The following USP39 variants were observed in gnomAD, a reference collection of about 807,000 sequenced individuals.
USP39 encodes the protein ubiquitin carboxyl-terminal hydrolase 39.
In USP39, 38 loss-of-function variants were observed where a neutral mutation model predicts 66.4. That is an observed-to-expected ratio of 0.57 (90% confidence interval 0.44 to 0.75). USP39 has a LOEUF of 0.75. Ranked by LOEUF, USP39 falls within the 30% of genes least tolerant of loss-of-function variation. The pLI is 0.00. For synonymous variants in USP39, 303 were observed against 274.6 expected, an observed-to-expected ratio of 1.10 and a Z score of -1.02; for missense variants, 608 against 714.4, an observed-to-expected ratio of 0.85 and a Z score of 1.70.
intron 9 of USP39, chr2:85,639,657 A>AT: frequency 3.5e-6 from 1 of 283,674 alleles, no homozygotes; most frequent in South Asian, 5.6e-5. Flanking sequence ...CATGTTGGCC[A>AT]GGTTGGTCTC....
chr2:85,647,977 C>T lies in USP39; in HGVS notation c.1611C>T (p.Ile537=), dbSNP rs780137301. ...TACAAGACCTCCAGGTGACTGACAT[C>T]CTTCCCCAGATGATCACACTGTCAG... is the stretch of plus-strand genomic sequence containing the variant. ...YELQDLQVTD[I]LPQMITLSEA... The change falls in exon 12 of 13, where the codon ATC becomes ATT. Residue 537 remains isoleucine, a synonymous_variant. Transcript: ENST00000323701. The T allele has an allele frequency of 6.2e-7, 1 of 1,614,156 alleles. No individual in the cohort carries two copies.
chr2:85,609,163 T>C (rs1673342816), upstream of USP39: 2 of 1,512,826 alleles, frequency 1.3e-6, no homozygotes, highest in African/African-American at 2.8e-5. Context: ...TCCATTTAGC[T>C]CAAGGCTTTT....
chr2:85,620,380 G>GCT (rs761794053), intron 2 of USP39, among the ~76,000 whole-genome samples: 8 of 151,806 alleles, frequency 5.3e-5, no homozygotes, highest in Non-Finnish European at 1.2e-4. Flanking sequence ...TTGGGGGGCT[G>GCT]AAGCAGGAGG....
chr2:85,637,717 T>G (rs1043785930), intron 8 of USP39, among the ~76,000 whole-genome samples: 2 of 152,154 alleles, frequency 1.3e-5, no homozygotes, highest in Admixed American at 1.3e-4. Flanking sequence ...TTTTTGTTTT[T>G]CTTAGTCTCC....
chr2:85,637,489 T>A, intron 8 of USP39, 53 bp downstream of exon 8: 1 of 1,583,212 alleles, frequency 6.3e-7, no homozygotes, highest in Middle Eastern at 1.7e-4. Context: ...TGAGGGGACG[T>A]AGGGGAGATG....
chr2:85,615,365 C>T (rs1420811749), upstream of USP39, among the ~76,000 whole-genome samples: 1 of 152,090 alleles, frequency 6.6e-6, no homozygotes, highest in African/African-American at 2.4e-5. Context: ...GTCAATTATA[C>T]CTCAATGGAA....
intron 5 of USP39, among the ~76,000 whole-genome samples, chr2:85,629,556 G>T (rs1318566663): frequency 6.7e-5 from 10 of 149,766 alleles, no homozygotes; most frequent in Non-Finnish European, 5.9e-5. Context: ...GAGTGCAGTG[G>T]TGCCATCTTG....
intron 1 of USP39, 39 bp downstream of exon 1, chr2:85,616,502 T>G: frequency 7.1e-7 from 1 of 1,411,540 alleles, no homozygotes; most frequent in Non-Finnish European, 9.3e-7. Flanking sequence ...GAGAGCCTGT[T>G]TTTTTCGCGT....
chr2:85,619,378 C>G, intron 2 of USP39, 89 bp downstream of exon 2: 3 of 1,393,192 alleles, frequency 2.2e-6, no homozygotes, highest in South Asian at 1.3e-5. Flanking sequence ...AACACATTGA[C>G]AAACTTTACT....
At chr2:85,613,958 G>C (rs916792722), upstream of USP39, among the ~76,000 whole-genome samples, 1 of 151,320 alleles carries the variant, frequency 6.6e-6, no homozygotes, top group Admixed American at 6.6e-5. Context: ...GAGATGGGGG[G>C]GGTCTCTCTA....
intron 2 of USP39, chr2:85,621,195 C>T (rs2104240753): frequency 4.3e-6 from 1 of 229,988 alleles, no homozygotes; most frequent in East Asian, 8.4e-5. Flanking sequence ...TAACTTGTAG[C>T]TTTCTCTCTA....
In USP39 at chr2:85,616,317, C is replaced by A. The variant is rs1461245958; in HGVS notation, c.122C>A (p.Ala41Glu). 9 of 1,583,500 alleles carry A rather than the reference C, an allele frequency of 5.7e-6. No homozygotes were observed. In the African/African-American group the frequency reaches 9.6e-5, roughly 17 times the overall value. ...GATCGGGAGCGGGAGCCTGAGGCGGCGAGCTCCCGGGGCAGCCCTGTGCGC... is the reference window on the plus strand; with the variant it reads ...GATCGGGAGCGGGAGCCTGAGGCGGAGAGCTCCCGGGGCAGCCCTGTGCGC... Reference protein sequence around the residue: ...ERDREREPEAASSRGSPVRVK... With the variant: ...ERDREREPEAESSRGSPVRVK... The change falls in exon 1 of 13, where the codon GCG becomes GAG. Residue 41 changes from alanine (A) to glutamate (E), a missense_variant. Ala to Glu is a moderately radical substitution (Grantham distance 107). Coordinates refer to ENST00000323701, the MANE Select transcript of USP39 (RefSeq NM_006590.4).
intron 11 of USP39, among the ~76,000 whole-genome samples, chr2:85,646,883 C>CTTT (rs773751290): frequency 1.8e-4 from 20 of 108,492 alleles, no homozygotes; most frequent in African/African-American, 2.2e-4. Flanking sequence ...TGACCTGTTG[C>CTTT]TTTTTTTTTT....
chr2:85,609,027 T>C, upstream of USP39: 2 of 1,614,264 alleles, frequency 1.2e-6, no homozygotes, highest in Non-Finnish European at 1.7e-6. Context: ...CAGAGGCGTG[T>C]GTGCCGACAC....
At chr2:85,608,952 T>C (rs528498191), upstream of USP39, 3 of 1,614,214 alleles carry the variant, frequency 1.9e-6, no homozygotes, top group South Asian at 3.3e-5. Flanking sequence ...TGGTCAGTGT[T>C]GGCTCTGGCG....
upstream of USP39, among the ~76,000 whole-genome samples, chr2:85,609,878 A>G (rs1673396796): frequency 2.6e-5 from 4 of 151,982 alleles, no homozygotes; most frequent in Admixed American, 2.6e-4. Context: ...ATGGGGTTTT[A>G]CCATGTTGGC....
chr2:85,620,640 G>A (rs1444932498), intron 2 of USP39, among the ~76,000 whole-genome samples: 3 of 152,154 alleles, frequency 2.0e-5, no homozygotes, highest in Non-Finnish European at 4.4e-5. Context: ...AAGGTACAAA[G>A]GGCCAGCTGT....
At chr2:85,606,353 C>T (rs1454296586) in intron 1 of USP39, among the ~76,000 whole-genome samples, 1 of 152,186 alleles carries the variant, frequency 6.6e-6, no homozygotes, top group Non-Finnish European at 1.5e-5. Context: ...ATGGAAAACA[C>T]TAATTTTTGA....
chr2:85,647,720 A>G (rs1283940473), intron 11 of USP39, among the ~76,000 whole-genome samples: 1 of 152,126 alleles, frequency 6.6e-6, no homozygotes, highest in African/African-American at 2.4e-5. Flanking sequence ...AATTCCCAAC[A>G]GGAATTGAGT....
Sources: gnomAD v4.1 joint callset for allele counts (sites outside exome capture counted in the v4.1 genomes callset) on GRCh38, gnomAD v4.1.1 for gene constraint, MANE v1.5 for transcripts, NCBI Gene and HGNC (gene_info 2026-07-23, HGNC 2026-07-21) for gene names.